CYSLTR2: variants seen among roughly 807,000 people sequenced by gnomAD.
CYSLTR2 encodes cysteinyl leukotriene receptor 2.
For synonymous variants in CYSLTR2, 179 were observed against 160.8 expected (o/e 1.11, Z -0.86); for missense variants, 398 against 411.9 (o/e 0.97, Z 0.29).
intron 4 of CYSLTR2, among the ~76,000 whole-genome samples, chr13:48,706,058 A>G (rs1242357614): frequency 2.1e-5 from 3 of 146,010 alleles, no homozygotes; most frequent in African/African-American, 7.6e-5. Context: ...GTGCAATGGC[A>G]TGATCTCGGC....
intron 4 of CYSLTR2, among the ~76,000 whole-genome samples, chr13:48,702,069 T>C (rs183064191): frequency 2.0e-5 from 3 of 152,184 alleles, no homozygotes; most frequent in Admixed American, 2.0e-4. Flanking sequence ...CACCATGGAA[T>C]ACTATGCAGC....
At chr13:48,672,749 T>C (rs1204496562) in intron 1 of CYSLTR2, among the ~76,000 whole-genome samples, 1 of 151,486 alleles carries the variant, frequency 6.6e-6, no homozygotes, top group Non-Finnish European at 1.5e-5. Flanking sequence ...TCCTAAGTAG[T>C]TGGGACTACA....
At chr13:48,693,092 CTTTAG>C (rs1268012390) in intron 2 of CYSLTR2, among the ~76,000 whole-genome samples, 1 of 151,346 alleles carries the variant, frequency 6.6e-6, no homozygotes, top group East Asian at 1.9e-4. Context: ...TTATCATTCA[CTTTAG>C]TTTAATACAA....
At chr13:48,697,819 T>C (rs544113260) in intron 4 of CYSLTR2, among the ~76,000 whole-genome samples, 1 of 152,304 alleles carries the variant, frequency 6.6e-6, no homozygotes, top group South Asian at 2.1e-4. Flanking sequence ...AGAGAAGTCC[T>C]TAAATGACCT....
intron 4 of CYSLTR2, among the ~76,000 whole-genome samples, chr13:48,699,826 A>G (rs924165827): frequency 9.2e-5 from 14 of 152,226 alleles, no homozygotes; most frequent in Non-Finnish European, 1.5e-5. Context: ...ATAAAAAATA[A>G]TAAAGGGGAT....
At chr13:48,654,087 AGAG>A (rs2138782337) in intron 1 of CYSLTR2, 70 bp downstream of exon 1, 1 of 152,310 alleles carries the variant, frequency 6.6e-6, no homozygotes, top group African/African-American at 2.4e-5. Context: ...CATAATAGTC[AGAG>A]GAGTAATTTT....
At chr13:48,684,166 T>C (rs1049905399) in intron 1 of CYSLTR2, among the ~76,000 whole-genome samples, 1 of 152,070 alleles carries the variant, frequency 6.6e-6, no homozygotes, top group Non-Finnish European at 1.5e-5. Flanking sequence ...GAGCCTCAAG[T>C]GATCCTCCCA....
At chr13:48,674,208 G>C (rs974156553) in intron 1 of CYSLTR2, among the ~76,000 whole-genome samples, 2 of 152,154 alleles carry the variant, frequency 1.3e-5, no homozygotes, top group African/African-American at 4.8e-5. Flanking sequence ...ATAATATCTG[G>C]AAGTGTGTTT....
chr13:48,679,425 G>A (rs371449219), intron 1 of CYSLTR2, among the ~76,000 whole-genome samples: 1 of 152,146 alleles, frequency 6.6e-6, no homozygotes, highest in Non-Finnish European at 1.5e-5. Flanking sequence ...CATATACACA[G>A]GGCTGAGTAT....
intron 4 of CYSLTR2, among the ~76,000 whole-genome samples, chr13:48,700,126 T>C (rs2138980224): frequency 6.6e-6 from 1 of 152,244 alleles, no homozygotes; most frequent in South Asian, 2.1e-4. Context: ...CTGAAACTAT[T>C]CCAATCAATA....
chr13:48,692,364 TAA>T (rs1444498902), intron 2 of CYSLTR2, among the ~76,000 whole-genome samples: 1 of 151,976 alleles, frequency 6.6e-6, no homozygotes, highest in Non-Finnish European at 1.5e-5. Flanking sequence ...TTTTGTATAT[TAA>T]AAAGACTCCA....
rs73495121 is a variant in CYSLTR2 at position 48,657,381 on chromosome 13, G to C, written c.-266+3364G>C. Among the ~76,000 whole-genome samples the C allele has an allele frequency of 2.9e-3, 442 of 152,202 alleles. 2 individuals carry two copies. The highest frequency in any genetic ancestry group is 0.01 in the African/African-American group (416 of 41,526). On this transcript the variant is annotated intron_variant, in intron 1 of 4. Coordinates refer to ENST00000682523, the MANE Select transcript of CYSLTR2 (RefSeq NM_001308476.3). ...TCGGAAGGGTCCTTAGGAAGAGCTG[G>C]GACCAGAGGCAGAGTTTTTTTTGCC...
intron 1 of CYSLTR2, among the ~76,000 whole-genome samples, chr13:48,669,913 A>G (rs916006624): frequency 4.6e-5 from 7 of 152,116 alleles, no homozygotes; most frequent in African/African-American, 1.7e-4. Context: ...AAGCATTCCT[A>G]TTTCTCCATA....
At chr13:48,682,960 A>G (rs1393985005) in intron 1 of CYSLTR2, among the ~76,000 whole-genome samples, 2 of 152,132 alleles carry the variant, frequency 1.3e-5, no homozygotes, top group African/African-American at 4.8e-5. Flanking sequence ...GCTCCCACTT[A>G]TAAGTGAGAA....
chr13:48,680,800 C>CTTTT (rs139896583), intron 1 of CYSLTR2, among the ~76,000 whole-genome samples: 74 of 55,014 alleles, frequency 1.3e-3, no homozygotes, highest in East Asian at 2.5e-3. Flanking sequence ...CTTTTCTTTT[C>CTTTT]TTTTTTTTTT....
intron 1 of CYSLTR2, among the ~76,000 whole-genome samples, chr13:48,673,023 A>T (rs994597376): frequency 4.6e-5 from 7 of 152,228 alleles, no homozygotes; most frequent in African/African-American, 1.7e-4. Context: ...TTTTACTTCC[A>T]ATTATGTGGT....
chr13:48,676,302 G>A (rs1266126879), intron 1 of CYSLTR2, among the ~76,000 whole-genome samples: 1 of 152,210 alleles, frequency 6.6e-6, no homozygotes, highest in Non-Finnish European at 1.5e-5. Context: ...TTGGGACCAA[G>A]TGGTGGAAAG....
At chr13:48,663,201 T>G (rs1214861115) in intron 1 of CYSLTR2, among the ~76,000 whole-genome samples, 2 of 152,170 alleles carry the variant, frequency 1.3e-5, no homozygotes, top group East Asian at 3.9e-4. Flanking sequence ...CATTGGCCTA[T>G]GTGTCTGCTT....
At chr13:48,684,213 A>T (rs1453857879) in intron 1 of CYSLTR2, among the ~76,000 whole-genome samples, 6 of 152,036 alleles carry the variant, frequency 3.9e-5, no homozygotes, top group Non-Finnish European at 8.8e-5. Flanking sequence ...ACAGGTCCAT[A>T]GTCCCTCTTC....
Sources: allele counts gnomAD v4.1 joint callset (sites outside exome capture counted in the v4.1 genomes callset), GRCh38; gene constraint gnomAD v4.1.1; transcripts MANE v1.5; gene names NCBI Gene and HGNC (gene_info 2026-07-23, HGNC 2026-07-21).